Variants in SLC44A5 observed in about 807,000 individuals in gnomAD.
The protein encoded by SLC44A5 is choline transporter-like protein 5.
A neutral mutation model predicts 101.8 loss-of-function variants in SLC44A5; 57 were observed. The observed-to-expected ratio is 0.56, with a 90% CI of 0.45 to 0.70. The LOEUF is 0.70. Ranked by LOEUF, SLC44A5 falls within the 30% of genes least tolerant of loss-of-function variation. The pLI, the probability that SLC44A5 is intolerant of heterozygous loss-of-function variation, is 0.00. For synonymous variants in SLC44A5, 281 were observed against 290.9 expected (o/e 0.97, Z 0.35); for missense variants, 737 against 853.1 (o/e 0.86, Z 1.70).
chr1:75,516,491 T>G (rs946025923), intron 2 of SLC44A5, among the ~76,000 whole-genome samples: 1 of 151,974 alleles, frequency 6.6e-6, no homozygotes, highest in Admixed American at 6.6e-5. Flanking sequence ...CACTCCAGCC[T>G]GGGGGACAGA....
chr1:75,528,868 C>T (rs188634027), intron 2 of SLC44A5, among the ~76,000 whole-genome samples: 3 of 152,264 alleles, frequency 2.0e-5, no homozygotes, highest in African/African-American at 4.8e-5. Flanking sequence ...AATGCTCTTT[C>T]CTGCCCCAAC....
chr1:75,466,988 G>T (rs997303902), intron 2 of SLC44A5, among the ~76,000 whole-genome samples: 3 of 152,096 alleles, frequency 2.0e-5, no homozygotes, highest in East Asian at 3.9e-4. Flanking sequence ...CAGTAAAGTT[G>T]CAAGATACAA....
the SLC44A5 span, among the ~76,000 whole-genome samples, chr1:75,653,126 A>T: frequency 2.0e-5 from 3 of 152,304 alleles, no homozygotes; most frequent in Admixed American, 2.0e-4. Flanking sequence ...GTTAATATCT[A>T]TGCAAATAAA....
rs547128304 is a variant in SLC44A5, at chr1:75,531,011, C to G, written c.13+10424G>C. Among the ~76,000 whole-genome samples, 24 of 152,218 alleles carry G rather than the reference C, an allele frequency of 1.6e-4. No homozygotes were observed. In the East Asian group the frequency reaches 3.5e-3, roughly 22 times the overall value. ...CCTGCCCAGAGATTAGAAAACCTGA[C>G]AAGTCTAGAACTCTAATAACCACAA... On this transcript the variant is annotated intron_variant, in intron 2 of 23. Transcript: ENST00000370859.
chr1:75,708,721 A>T, the SLC44A5 span, among the ~76,000 whole-genome samples: 1 of 152,172 alleles, frequency 6.6e-6, no homozygotes, highest in Non-Finnish European at 1.5e-5. Flanking sequence ...AAAATTATAC[A>T]TATAATAAAA....
intron 2 of SLC44A5, among the ~76,000 whole-genome samples, chr1:75,455,955 T>G (rs1022651155): frequency 1.1e-4 from 16 of 152,088 alleles, no homozygotes; most frequent in Admixed American, 5.2e-4. Flanking sequence ...TTTGGAGATT[T>G]CTCCAATAAC....
At chr1:75,715,666 AATGTAAAAGCTAAAAC>A in the SLC44A5 span, among the ~76,000 whole-genome samples, 14 of 152,222 alleles carry the variant, frequency 9.2e-5, no homozygotes, top group African/African-American at 3.4e-4. Context: ...TAAAGCCATA[AATGTAAAAGCTAAAAC>A]TATAAAAACT....
At chr1:75,606,759 T>C (rs1675347293) in intron 1 of SLC44A5, among the ~76,000 whole-genome samples, 1 of 152,048 alleles carries the variant, frequency 6.6e-6, no homozygotes, top group East Asian at 1.9e-4. Flanking sequence ...TTCTCAACCC[T>C]GATCTTACCT....
At chr1:75,291,916 G>A (rs1046821427) in intron 5 of SLC44A5, among the ~76,000 whole-genome samples, 6 of 151,690 alleles carry the variant, frequency 4.0e-5, no homozygotes, top group Non-Finnish European at 8.8e-5. Flanking sequence ...GGAGGCTGAG[G>A]CAGGAGAATG....
At chr1:75,401,351 C>T (rs902740118) in intron 2 of SLC44A5, among the ~76,000 whole-genome samples, 2 of 152,146 alleles carry the variant, frequency 1.3e-5, no homozygotes, top group Non-Finnish European at 2.9e-5. Flanking sequence ...TTTTATAATG[C>T]ATCAGGATGA....
chr1:75,344,685 A>C (rs1298542279), intron 3 of SLC44A5, among the ~76,000 whole-genome samples: 1 of 152,176 alleles, frequency 6.6e-6, no homozygotes, highest in African/African-American at 2.4e-5. Context: ...AGGAATACAG[A>C]AGCTTCTAGA....
the SLC44A5 span, among the ~76,000 whole-genome samples, chr1:75,634,058 C>A: frequency 0.26 from 39,776 of 151,966 alleles, 6,476 homozygotes; most frequent in East Asian, 0.68. Flanking sequence ...GCCTTGCATC[C>A]CAGGGATGAA....
At chr1:75,416,413 C>A (rs780708289) in intron 2 of SLC44A5, among the ~76,000 whole-genome samples, 5 of 152,166 alleles carry the variant, frequency 3.3e-5, no homozygotes, top group Non-Finnish European at 4.4e-5. Flanking sequence ...TATGGAAATG[C>A]CTGGATGCCC....
intron 2 of SLC44A5, among the ~76,000 whole-genome samples, chr1:75,498,681 A>T (rs960026797): frequency 2.0e-5 from 3 of 152,220 alleles, no homozygotes; most frequent in African/African-American, 7.2e-5. Context: ...AAAGAAAAGT[A>T]CACATTATCA....
chr1:75,535,956 C>A (rs912704322), intron 2 of SLC44A5, among the ~76,000 whole-genome samples: 2 of 151,260 alleles, frequency 1.3e-5, no homozygotes, highest in Non-Finnish European at 2.9e-5. Context: ...TGCCTGTAAT[C>A]TCAACACTTT....
At chr1:75,301,762 T>C (rs1654465004) in intron 4 of SLC44A5, among the ~76,000 whole-genome samples, 1 of 152,182 alleles carries the variant, frequency 6.6e-6, no homozygotes, top group Non-Finnish European at 1.5e-5. Context: ...TTATGGGTAG[T>C]AAAGTGAGTT....
chr1:75,325,745 C>A (rs781626733), intron 4 of SLC44A5, among the ~76,000 whole-genome samples: 42 of 108,546 alleles, frequency 3.9e-4, no homozygotes, highest in Admixed American at 1.9e-3. Context: ...CACTGAGGGT[C>A]GTGTGCATGC....
At chr1:75,490,509 A>C (rs1183482254) in intron 2 of SLC44A5, among the ~76,000 whole-genome samples, 1 of 152,194 alleles carries the variant, frequency 6.6e-6, no homozygotes, top group Non-Finnish European at 1.5e-5. Context: ...TTATGAAAAG[A>C]GCATCTTTCT....
At chr1:75,436,784 A>T (rs1190274942) in intron 2 of SLC44A5, among the ~76,000 whole-genome samples, 1 of 152,196 alleles carries the variant, frequency 6.6e-6, no homozygotes, top group Non-Finnish European at 1.5e-5. Context: ...AAAGCACAAT[A>T]TACAGTTATA....
Sources: gnomAD v4.1 joint callset for allele counts (sites outside exome capture counted in the v4.1 genomes callset) on GRCh38, gnomAD v4.1.1 for gene constraint, MANE v1.5 for transcripts, NCBI Gene and HGNC (gene_info 2026-07-23, HGNC 2026-07-21) for gene names.